BANK1: variants seen among roughly 807,000 people sequenced by gnomAD.
BANK1 encodes B cell scaffold protein with ankyrin repeats 1.
Under a neutral mutation model 94.5 loss-of-function variants are expected in BANK1, and 95 were observed. That is an observed-to-expected ratio of 1.00 (90% CI 0.85 to 1.19). BANK1 has a LOEUF of 1.19. Among genes scored for constraint, BANK1 ranks in the 50% most tolerant of loss-of-function variants. The pLI, the probability that BANK1 is intolerant of heterozygous loss-of-function variation, is 0.00. For synonymous variants in BANK1, 334 were observed against 308.4 expected (o/e 1.08, Z -0.87); for missense variants, 987 against 932.2 (o/e 1.06, Z -0.77).
Position 102,037,164 on chromosome 4 carries a change from G to C in BANK1, c.1901-6675G>C, listed in dbSNP as rs1039312354. ...TGCTTCTCATAAGACATTTGTCAATGTCTGGAGACATTTTGATTGTCAAGA... is the reference window on the plus strand; with the variant it reads ...TGCTTCTCATAAGACATTTGTCAATCTCTGGAGACATTTTGATTGTCAAGA... On this transcript the variant is annotated intron_variant, in intron 10 of 16. Coordinates refer to ENST00000322953, the MANE Select transcript of BANK1 (RefSeq NM_017935.5). 3.9e-5 allele frequency among the ~76,000 whole-genome samples: 6 copies of C among 152,200 alleles called. No individual in the cohort carries two copies. The South Asian group carries it at 8.3e-4, about 21-fold the overall frequency.
At chr4:101,942,641 T>A (rs1212606111) in intron 7 of BANK1, among the ~76,000 whole-genome samples, 1 of 151,884 alleles carries the variant, frequency 6.6e-6, no homozygotes, top group Non-Finnish European at 1.5e-5. Context: ...TTTACAATTC[T>A]CTTACATAAA....
At chr4:102,051,988 G>A (rs1255256997) in intron 11 of BANK1, among the ~76,000 whole-genome samples, 1 of 151,944 alleles carries the variant, frequency 6.6e-6, no homozygotes, top group Non-Finnish European at 1.5e-5. Flanking sequence ...CTTGAGTTGC[G>A]AACTGCACCT....
At chr4:101,989,452 A>C (rs1424905547) in intron 7 of BANK1, among the ~76,000 whole-genome samples, 1 of 151,354 alleles carries the variant, frequency 6.6e-6, no homozygotes, top group Non-Finnish European at 1.5e-5. Flanking sequence ...AAAAAAAAAA[A>C]AGCTTTTCTT....
intron 7 of BANK1, among the ~76,000 whole-genome samples, chr4:101,970,543 A>G (rs895369291): frequency 2.0e-4 from 31 of 152,102 alleles, no homozygotes; most frequent in Non-Finnish European, 3.2e-4. Context: ...CCAAACAGCA[A>G]ACAAGCTTGG....
intron 2 of BANK1, among the ~76,000 whole-genome samples, chr4:101,836,013 A>G (rs1442895702): frequency 6.6e-6 from 1 of 152,138 alleles, no homozygotes. Flanking sequence ...AAGTTGCTTT[A>G]TTAATAAATT....
chr4:101,902,498 G>T (rs1370039237), intron 6 of BANK1, among the ~76,000 whole-genome samples: 1 of 152,144 alleles, frequency 6.6e-6, no homozygotes, highest in East Asian at 1.9e-4. Context: ...AGTTGGGATT[G>T]CAATTTTAAA....
chr4:101,807,818 C>T (rs1560582174), intron 1 of BANK1, among the ~76,000 whole-genome samples: 3 of 152,012 alleles, frequency 2.0e-5, no homozygotes, highest in South Asian at 4.1e-4. Context: ...TGGTGGCTCA[C>T]GCCTGTAATC....
intron 6 of BANK1, 144 bp downstream of exon 6, chr4:101,895,554 T>A (rs1722042948): frequency 1.9e-6 from 1 of 517,902 alleles, no homozygotes; most frequent in Non-Finnish European, 3.4e-6. Flanking sequence ...GGTGAAAGGG[T>A]ACATTAGTAC....
intron 1 of BANK1, among the ~76,000 whole-genome samples, chr4:101,825,551 T>C (rs1726330800): frequency 6.6e-6 from 1 of 152,104 alleles, no homozygotes; most frequent in Admixed American, 6.6e-5. Context: ...TCTTTGTGGC[T>C]CTGATAAGTA....
At chr4:101,830,558 T>C (rs1402253418) in intron 2 of BANK1, among the ~76,000 whole-genome samples, 1 of 152,200 alleles carries the variant, frequency 6.6e-6, no homozygotes, top group East Asian at 1.9e-4. Flanking sequence ...TGAGTTAATA[T>C]ACTCTAGTGG....
intron 2 of BANK1, among the ~76,000 whole-genome samples, chr4:101,839,931 T>A (rs1378750598): frequency 2.4e-5 from 3 of 126,388 alleles, no homozygotes; most frequent in Non-Finnish European, 3.2e-5. Flanking sequence ...TAATTTCAAA[T>A]ATTTAATTTT....
At position 101,895,310 on chromosome 4, in the gene BANK1, C is replaced by G. The variant is rs62321738; in HGVS notation, c.909C>G (p.Ser303Arg). 0.068 allele frequency: 105,663 copies of G among 1,556,382 alleles called. 4,734 individuals carry two copies. The highest frequency in any genetic ancestry group is 0.2 in the Admixed American group (10,820 of 53,754). The part of the protein sequence containing the change: ...ADSGESLCQN[S>R]IEELDGVLTS... ...TCTTTTTCACTTGAAAACAGAATAG[C>G]ATTGAAGAACTTGATGGTGTCCTTA... Residue 303 changes from serine to arginine, a missense_variant, in exon 6 of 17, where the codon AGC (serine) becomes AGG (arginine). Transcript: ENST00000322953.
chr4:101,916,798 A>T (rs1419335703), intron 6 of BANK1, among the ~76,000 whole-genome samples: 1 of 152,026 alleles, frequency 6.6e-6, no homozygotes, highest in Non-Finnish European at 1.5e-5. Flanking sequence ...GTCTAGAAGA[A>T]AATGAAAAGT....
intron 11 of BANK1, among the ~76,000 whole-genome samples, chr4:102,047,384 G>A (rs530277406): frequency 1.3e-5 from 2 of 151,904 alleles, no homozygotes; most frequent in East Asian, 3.9e-4. Context: ...CTCTTTATTT[G>A]ACAGTTTTCC....
chr4:101,874,818 C>A (rs1012321794), intron 5 of BANK1, among the ~76,000 whole-genome samples: 2 of 152,156 alleles, frequency 1.3e-5, no homozygotes, highest in African/African-American at 2.4e-5. Context: ...TGTTTGCATG[C>A]CCAGTATCTT....
intron 7 of BANK1, among the ~76,000 whole-genome samples, chr4:101,928,360 A>T (rs528887493): frequency 6.6e-6 from 1 of 151,746 alleles, no homozygotes; most frequent in African/African-American, 2.4e-5. Context: ...AGGAGACAAC[A>T]TTCAGTCTCC....
chr4:101,862,805 G>A, intron 4 of BANK1, 141 bp downstream of exon 4: 1 of 866,432 alleles, frequency 1.2e-6, no homozygotes, highest in South Asian at 3.0e-5. Flanking sequence ...ACATACCCAA[G>A]GTTGTTATTA....
chr4:101,957,241 C>T (rs1272237360), intron 7 of BANK1, among the ~76,000 whole-genome samples: 1 of 152,148 alleles, frequency 6.6e-6, no homozygotes, highest in East Asian at 1.9e-4. Flanking sequence ...CTCAGCTGTT[C>T]ATCCTTTCCC....
chr4:101,987,501 A>T (rs913540889), intron 7 of BANK1, among the ~76,000 whole-genome samples: 2 of 152,244 alleles, frequency 1.3e-5, no homozygotes, highest in African/African-American at 4.8e-5. Flanking sequence ...TGATATACTC[A>T]TTTAAAGCAT....
Sources: gnomAD v4.1 joint callset for allele counts (sites outside exome capture counted in the v4.1 genomes callset) on GRCh38, gnomAD v4.1.1 for gene constraint, MANE v1.5 for transcripts, NCBI Gene and HGNC (gene_info 2026-07-23, HGNC 2026-07-21) for gene names.